The following ENTREP2 variants were observed in gnomAD, a reference collection of about 807,000 sequenced individuals.
ENTREP2 encodes protein ENTREP2.
the ENTREP2 span, among the ~76,000 whole-genome samples, chr15:29,642,597 ATAT>A: frequency 6.0e-5 from 9 of 148,946 alleles, no homozygotes; most frequent in South Asian, 1.7e-3. Context: ...TATATAGTGT[ATAT>A]GTATACATAC....
chr15:29,425,592 G>A, the ENTREP2 span, among the ~76,000 whole-genome samples: 3 of 152,140 alleles, frequency 2.0e-5, no homozygotes, highest in Admixed American at 6.5e-5. Flanking sequence ...CACCTTTAGC[G>A]TGGTAGCTAA....
At chr15:29,541,813 C>G in the ENTREP2 span, among the ~76,000 whole-genome samples, 7 of 152,038 alleles carry the variant, frequency 4.6e-5, no homozygotes, top group Non-Finnish European at 1.0e-4. Context: ...ACAGCGAGGT[C>G]GTGGGGAAGA....
chr15:29,208,297 A>C, the ENTREP2 span, among the ~76,000 whole-genome samples: 1 of 152,138 alleles, frequency 6.6e-6, no homozygotes, highest in African/African-American at 2.4e-5. Flanking sequence ...AGATAGGGCC[A>C]AAAATAGGAG....
the ENTREP2 span, among the ~76,000 whole-genome samples, chr15:29,416,317 C>T: frequency 6.6e-6 from 1 of 152,058 alleles, no homozygotes; most frequent in African/African-American, 2.4e-5. Flanking sequence ...CAATGGAATA[C>T]AACAGAGCCC....
At chr15:29,356,132 G>A in the ENTREP2 span, among the ~76,000 whole-genome samples, 1 of 148,790 alleles carries the variant, frequency 6.7e-6, no homozygotes, top group East Asian at 1.9e-4. Flanking sequence ...TGTTCTATGT[G>A]AGGATGTGAG....
the ENTREP2 span, among the ~76,000 whole-genome samples, chr15:29,346,265 T>C: frequency 6.6e-6 from 1 of 152,134 alleles, no homozygotes; most frequent in Non-Finnish European, 1.5e-5. Flanking sequence ...ATGTCACCAA[T>C]TACTGGGGAC....
At chr15:29,177,981 C>T in the ENTREP2 span, among the ~76,000 whole-genome samples, 2,311 of 152,144 alleles carry the variant, frequency 0.015, 27 homozygotes, top group Non-Finnish European at 0.023. Flanking sequence ...CCTAAAAATA[C>T]TCAAGGAGAA....
the ENTREP2 span, among the ~76,000 whole-genome samples, chr15:29,299,276 A>G: frequency 1.1e-3 from 170 of 152,230 alleles, 1 homozygote; most frequent in African/African-American, 3.9e-3. Context: ...CCACTTTCCT[A>G]TGGTCATGAG....
At chr15:29,389,990 G>A in the ENTREP2 span, among the ~76,000 whole-genome samples, 1 of 151,916 alleles carries the variant, frequency 6.6e-6, no homozygotes, top group Non-Finnish European at 1.5e-5. Flanking sequence ...ATATTGCTCA[G>A]GGAGAGGAGG....
chr15:29,302,687 A>T, the ENTREP2 span, among the ~76,000 whole-genome samples: 5 of 152,160 alleles, frequency 3.3e-5, no homozygotes, highest in Non-Finnish European at 5.9e-5. Context: ...GAAAACGGAA[A>T]AAGAGGGTTG....
chr15:29,130,235 G>A, the ENTREP2 span, among the ~76,000 whole-genome samples: 20 of 152,128 alleles, frequency 1.3e-4, no homozygotes, highest in African/African-American at 3.1e-4. Flanking sequence ...AGATGCTTTC[G>A]CATAATACGG....
the ENTREP2 span, among the ~76,000 whole-genome samples, chr15:29,470,200 C>A: frequency 0.071 from 10,761 of 152,254 alleles, 506 homozygotes; most frequent in South Asian, 0.13. Flanking sequence ...TCCAGCAAAG[C>A]CACTCAAGAT....
chr15:29,640,678 A>AAAACAAAACAAAACAAAACAAAAC, the ENTREP2 span, among the ~76,000 whole-genome samples: 35 of 122,928 alleles, frequency 2.8e-4, no homozygotes, highest in African/African-American at 1.4e-3. Context: ...CAAAACAAAA[A>AAAACAAAACAAAACAAAACAAAAC]AACCAAAAAG....
At chr15:29,119,746 G>A in the ENTREP2 span, among the ~76,000 whole-genome samples, 1 of 151,426 alleles carries the variant, frequency 6.6e-6, no homozygotes. Flanking sequence ...AAGAATGCCA[G>A]GGATGGCCAC....
At chr15:29,215,768 T>C in the ENTREP2 span, among the ~76,000 whole-genome samples, 1 of 152,088 alleles carries the variant, frequency 6.6e-6, no homozygotes, top group African/African-American at 2.4e-5. Flanking sequence ...TTCCACCTCT[T>C]TAAGTTTATG....
chr15:29,195,099 C>T, the ENTREP2 span: 4 of 983,502 alleles, frequency 4.1e-6, no homozygotes, highest in Admixed American at 6.1e-5. Context: ...GTAATGTGGG[C>T]AGCATGAAAT....
chr15:29,196,726 G>T, the ENTREP2 span: 4 of 619,134 alleles, frequency 6.5e-6, no homozygotes, highest in East Asian at 3.0e-5. Context: ...ATTGACCCAG[G>T]CCATCAGGAG....
At chr15:29,161,366 T>C in the ENTREP2 span, among the ~76,000 whole-genome samples, 3 of 152,196 alleles carry the variant, frequency 2.0e-5, no homozygotes, top group East Asian at 5.8e-4. Flanking sequence ...AGCATCACCC[T>C]GAGACCCCAG....
the ENTREP2 span, among the ~76,000 whole-genome samples, chr15:29,185,543 C>T: frequency 5.3e-5 from 8 of 152,234 alleles, no homozygotes; most frequent in African/African-American, 9.6e-5. Context: ...TTCTTTTCCA[C>T]GGCCCCTTCT....
Sources: gnomAD v4.1 joint callset for allele counts (sites outside exome capture counted in the v4.1 genomes callset) on GRCh38, gnomAD v4.1.1 for gene constraint, MANE v1.5 for transcripts, NCBI Gene and HGNC (gene_info 2026-07-23, HGNC 2026-07-21) for gene names.